The following KDM2A variants were observed in gnomAD, a reference collection of about 807,000 sequenced individuals.
KDM2A encodes the protein lysine demethylase 2A, also known as lysine-specific demethylase 2A.
KDM2A carries 3 observed loss-of-function variants against 137.3 expected under a neutral mutation model. That is an observed-to-expected ratio of 0.02 (90% confidence interval 0.01 to 0.06). The LOEUF (loss-of-function observed/expected upper bound fraction) is 0.06, where lower values mean the gene tolerates loss of function less well. Ranked by LOEUF, KDM2A falls within the 10% of genes least tolerant of loss-of-function variation. The pLI is 1.00. For missense variants in KDM2A, 738 were observed against 1,510.6 expected, an observed-to-expected ratio of 0.49 and a Z score of 8.48; for synonymous variants, 512 against 541.5, an observed-to-expected ratio of 0.95 and a Z score of 0.76.
chr11:67,176,382 G>C (rs1590750092), intron 2 of KDM2A, among the ~76,000 whole-genome samples: 1 of 152,094 alleles, frequency 6.6e-6, no homozygotes, highest in Middle Eastern at 3.2e-3. Flanking sequence ...TCAATACTTA[G>C]TTTTAAATTC....
intron 2 of KDM2A, among the ~76,000 whole-genome samples, chr11:67,179,207 GAC>G (rs1176419549): frequency 2.0e-5 from 3 of 152,164 alleles, no homozygotes; most frequent in Non-Finnish European, 4.4e-5. Context: ...TCTTTGGAAA[GAC>G]ATGTTATCTT....
At chr11:67,176,577 A>G (rs1312547261) in intron 2 of KDM2A, among the ~76,000 whole-genome samples, 2 of 152,302 alleles carry the variant, frequency 1.3e-5, no homozygotes, top group East Asian at 3.9e-4. Context: ...TGTATAGGCA[A>G]TTTCATCATT....
rs1446683286 is a variant in KDM2A, at chr11:67,228,700, AAAAG to A, written c.1084+548_1084+551del. Among the ~76,000 whole-genome samples, 1,095 of 145,058 alleles carry A rather than the reference AAAAG, an allele frequency of 7.5e-3. 17 individuals are homozygous for A. The highest frequency in any genetic ancestry group is 0.028 in the African/African-American group (988 of 35,076). The stretch of plus-strand genomic sequence containing the variant: ...AACCCTGTTGCGAAAAAAAAAAAAA[AAAAG>A]AAAGAAAGAACGATGATCAGTTGTC... On this transcript the variant is annotated intron_variant, in intron 11 of 20. Coordinates refer to ENST00000529006, the MANE Select transcript of KDM2A (RefSeq NM_012308.3).
chr11:67,215,326 CCTT>C lies in KDM2A; in HGVS notation c.487-11_487-9del. On this transcript the variant is annotated splice_polypyrimidine_tract_variant and intron_variant, in intron 6 of 20. Coordinates refer to ENST00000529006, the MANE Select transcript of KDM2A (RefSeq NM_012308.3). ...TTCCCTTGGAGCCCAAGTGTTTCCT[CCTT>C]CTATTTAAAGGTGGATTTCATTGAC... The C allele has an allele frequency of 6.3e-7, 1 of 1,579,698 alleles. No individual in the cohort carries two copies. The highest frequency in any genetic ancestry group is 8.7e-7 in the Non-Finnish European group (1 of 1,150,432).
At chr11:67,158,901 T>C (rs528229147) in intron 2 of KDM2A, among the ~76,000 whole-genome samples, 2 of 152,220 alleles carry the variant, frequency 1.3e-5, no homozygotes, top group Admixed American at 6.5e-5. Flanking sequence ...AAGTTGATTG[T>C]AAATTTTGAG....
intron 2 of KDM2A, among the ~76,000 whole-genome samples, chr11:67,125,817 G>A (rs1175532434): frequency 2.6e-5 from 4 of 150,970 alleles, no homozygotes; most frequent in African/African-American, 4.9e-5. Context: ...GGTGTAGGGC[G>A]CCTGTAATAC....
intron 5 of KDM2A, among the ~76,000 whole-genome samples, chr11:67,207,068 C>T (rs548551588): frequency 2.0e-4 from 31 of 152,184 alleles, no homozygotes; most frequent in Non-Finnish European, 4.3e-4. Context: ...ATGGATACTT[C>T]ATTCAAATTA....
rs1859589531 is a variant in KDM2A at position 67,255,857 on chromosome 11, C to G, written c.*802C>G. ...GAGACAGGCACCATCTCCTTGTTCC[C>G]CCTCTCTCTTTTGCCTCCCACTGAC... On this transcript the variant is annotated 3_prime_UTR_variant, in exon 21 of 21. Transcript: ENST00000529006. 1 of 276,648 alleles carries G rather than the reference C, an allele frequency of 3.6e-6. No individual in the cohort carries two copies. Among genetic ancestry groups the G allele is most frequent in the African/African-American group, 2.3e-5 (1 of 44,254 alleles). The allele number at this position is 276,648 out of a possible 1,614,324, so 17.1% of individuals were successfully genotyped here.
intron 2 of KDM2A, among the ~76,000 whole-genome samples, chr11:67,139,294 G>C (rs1397026357): frequency 6.6e-6 from 1 of 151,828 alleles, no homozygotes; most frequent in Admixed American, 6.6e-5. Flanking sequence ...CCCCAGGCTG[G>C]AGTGCAGTGG....
intron 5 of KDM2A, among the ~76,000 whole-genome samples, chr11:67,205,065 T>G (rs1809560095): frequency 6.6e-6 from 1 of 152,208 alleles, no homozygotes; most frequent in African/African-American, 2.4e-5. Flanking sequence ...TTTAGTTTAT[T>G]GAGGAACTGC....
intron 5 of KDM2A, among the ~76,000 whole-genome samples, chr11:67,187,980 C>T (rs1156349920): frequency 6.6e-6 from 1 of 151,712 alleles, no homozygotes; most frequent in Non-Finnish European, 1.5e-5. Context: ...CTGCTTGAAG[C>T]CAGGAATTCA....
At chr11:67,148,474 A>T (rs539527184) in intron 2 of KDM2A, among the ~76,000 whole-genome samples, 2 of 152,040 alleles carry the variant, frequency 1.3e-5, no homozygotes, top group African/African-American at 4.8e-5. Flanking sequence ...CTCAAATAAT[A>T]GGTATCAATC....
In KDM2A at chr11:67,205,167, T is replaced by G. The variant is rs544604403; in HGVS notation, c.308-2343T>G. On this transcript the variant is annotated intron_variant, in intron 5 of 20. Coordinates refer to ENST00000529006, the MANE Select transcript of KDM2A (RefSeq NM_012308.3). ...TTCTCTGCATTTTTGCTAGCACTCA[T>G]TATTTTCCATTTTTTAAATTATAGC... Among the ~76,000 whole-genome samples the G allele has an allele frequency of 4.6e-5, 7 of 152,320 alleles. No individual in the cohort carries two copies. The East Asian group carries it at 1.3e-3, about 29-fold the overall frequency.
chr11:67,167,098 A>G (rs918518195), intron 2 of KDM2A, among the ~76,000 whole-genome samples: 2 of 152,190 alleles, frequency 1.3e-5, no homozygotes, highest in Admixed American at 6.5e-5. Context: ...TAAAAAGTTT[A>G]ATATTGCGAG....
chr11:67,189,372 A>G (rs1857288642), intron 5 of KDM2A, among the ~76,000 whole-genome samples: 3 of 152,352 alleles, frequency 2.0e-5, no homozygotes, highest in South Asian at 4.1e-4. Context: ...CAAAACTTAT[A>G]GGGATCAGTG....
intron 2 of KDM2A, among the ~76,000 whole-genome samples, chr11:67,154,455 A>T (rs1432094790): frequency 6.6e-6 from 1 of 152,106 alleles, no homozygotes; most frequent in African/African-American, 2.4e-5. Context: ...TTTTTAAGAC[A>T]GAGTTTCACT....
At chr11:67,186,722 G>A (rs1291587214) in intron 5 of KDM2A, among the ~76,000 whole-genome samples, 4 of 152,152 alleles carry the variant, frequency 2.6e-5, no homozygotes. Context: ...GAAACTTTGA[G>A]TGTAGCCCCA....
chr11:67,222,590 A>C (rs1427905463), intron 10 of KDM2A, among the ~76,000 whole-genome samples: 1 of 8 alleles, frequency 0.12, no homozygotes, highest in African/African-American at 0.25. Flanking sequence ...GCTGTTGGGC[A>C]CACCTCCCAG....
chr11:67,257,079 TG>T lies in KDM2A; in HGVS notation c.*2025del. The T allele has an allele frequency of 6.6e-6, 1 of 152,486 alleles. No individual in the cohort carries two copies. The highest frequency in any genetic ancestry group is 1.5e-5 in the Non-Finnish European group (1 of 68,042). 9.4% of individuals were successfully genotyped at this position (152,486 alleles called of 1,614,324 possible). ...CTTTGGTTGCTCCTGTGGAAAATAC[TG>T]AAAAGATTACTTTGTTTTATTTTGT... On this transcript the variant is annotated 3_prime_UTR_variant, in exon 21 of 21. Coordinates refer to ENST00000529006, the MANE Select transcript of KDM2A (RefSeq NM_012308.3).
Sources: gnomAD v4.1 joint callset for allele counts (sites outside exome capture counted in the v4.1 genomes callset) on GRCh38, gnomAD v4.1.1 for gene constraint, MANE v1.5 for transcripts, NCBI Gene and HGNC (gene_info 2026-07-23, HGNC 2026-07-21) for gene names.